The following ZMYM4 variants were observed in gnomAD, a reference collection of about 807,000 sequenced individuals.
ZMYM4 encodes the protein zinc finger MYM-type protein 4.
ZMYM4 carries 31 observed loss-of-function variants against 183.2 expected under a neutral mutation model. The ratio of observed to expected loss-of-function variants is 0.17; its 90% CI spans 0.13 to 0.23. The LOEUF (loss-of-function observed/expected upper bound fraction) is 0.23. Among genes scored for constraint, ZMYM4 ranks in the 10% least tolerant of loss-of-function variants. The pLI is 1.00. For missense variants in ZMYM4, 1,273 were observed against 1,840.3 expected, an observed-to-expected ratio of 0.69 and a Z score of 5.64; for synonymous variants, 592 against 631.2, an observed-to-expected ratio of 0.94 and a Z score of 0.93.
chr1:35,293,407 G>A (rs1290535273), intron 1 of ZMYM4, among the ~76,000 whole-genome samples: 1 of 151,764 alleles, frequency 6.6e-6, no homozygotes, highest in Admixed American at 6.6e-5. Flanking sequence ...TGTGCCTCCC[G>A]GGTTCAAGTG....
intron 2 of ZMYM4, among the ~76,000 whole-genome samples, chr1:35,327,386 G>C (rs1642551100): frequency 6.6e-6 from 1 of 152,078 alleles, no homozygotes; most frequent in African/African-American, 2.4e-5. Flanking sequence ...ATTATCAAAG[G>C]ATATTTTTGT....
intron 1 of ZMYM4, among the ~76,000 whole-genome samples, chr1:35,290,765 G>T (rs1640723209): frequency 2.6e-5 from 4 of 152,166 alleles, no homozygotes; most frequent in African/African-American, 7.2e-5. Flanking sequence ...TTGTGGTAAT[G>T]ATTGTACTGC....
At chr1:35,338,391 A>G (rs1425305037) in intron 2 of ZMYM4, among the ~76,000 whole-genome samples, 1 of 152,210 alleles carries the variant, frequency 6.6e-6, no homozygotes, top group Non-Finnish European at 1.5e-5. Context: ...CCAAGCGTGG[A>G]TAGAAAATGC....
At chr1:35,332,373 T>C (rs1038680349) in intron 2 of ZMYM4, among the ~76,000 whole-genome samples, 5 of 151,736 alleles carry the variant, frequency 3.3e-5, no homozygotes, top group Non-Finnish European at 2.9e-5. Flanking sequence ...ATTCAATGGC[T>C]CCGGTGTTCA....
chr1:35,308,788 G>C (rs112325999), intron 1 of ZMYM4, among the ~76,000 whole-genome samples: 6 of 152,214 alleles, frequency 3.9e-5, no homozygotes, highest in East Asian at 3.9e-4. Flanking sequence ...TTGAACGTGG[G>C]GGGTGGAGGT....
chr1:35,339,768 T>A (rs938723102), intron 2 of ZMYM4, among the ~76,000 whole-genome samples: 2 of 152,184 alleles, frequency 1.3e-5, no homozygotes, highest in Admixed American at 1.3e-4. Context: ...CCTACACTAA[T>A]TTTTTATATG....
chr1:35,279,119 TA>T (rs1640018722), intron 1 of ZMYM4, among the ~76,000 whole-genome samples: 1 of 152,182 alleles, frequency 6.6e-6, no homozygotes, highest in Non-Finnish European at 1.5e-5. Flanking sequence ...GTTTCTCCCC[TA>T]CCCCCAACCC....
At chr1:35,385,673 T>C (rs950831678) in intron 10 of ZMYM4, 81 bp downstream of exon 10, 1 of 1,462,422 alleles carries the variant, frequency 6.8e-7, no homozygotes. Flanking sequence ...TTTTTTTTGG[T>C]TGATTTTTAA....
At position 35,389,174 on chromosome 1, in the gene ZMYM4, T is replaced by C; in HGVS notation, c.2436+92T>C. ...TGTCACATAAAGGACAATTTAATTA[T>C]TTAAAACTTTTAAGTATTAAATGTT... On this transcript the variant is annotated intron_variant, in intron 14 of 29. Coordinates refer to ENST00000314607, the MANE Select transcript of ZMYM4 (RefSeq NM_005095.3). The surrounding 1 kb of genome is among the most constrained non-coding windows in gnomAD (Gnocchi z 4.0). 7.8e-7 allele frequency: 1 copy of C among 1,286,396 alleles called. No individual in the cohort carries two copies. Among genetic ancestry groups the C allele is most frequent in the South Asian group, 1.6e-5 (1 of 64,350 alleles). The allele number at this position is 1,286,396 out of a possible 1,614,324, so 79.7% of individuals were successfully genotyped here. A position where few individuals can be genotyped will look rare whatever the true frequency, so the allele number is the denominator to read the frequency against.
intron 9 of ZMYM4, among the ~76,000 whole-genome samples, chr1:35,383,480 A>G (rs192068835): frequency 2.1e-4 from 32 of 152,162 alleles, no homozygotes; most frequent in Non-Finnish European, 3.1e-4. Context: ...GCGTGTTTCA[A>G]TTTATTTCCT....
chr1:35,303,473 T>C (rs1641384789), intron 1 of ZMYM4, among the ~76,000 whole-genome samples: 1 of 152,128 alleles, frequency 6.6e-6, no homozygotes. Flanking sequence ...TGGCACAATA[T>C]CGGCTCACTG....
chr1:35,332,730 C>T (rs189300825), intron 2 of ZMYM4, among the ~76,000 whole-genome samples: 47 of 152,190 alleles, frequency 3.1e-4, no homozygotes, highest in Non-Finnish European at 6.2e-4. Context: ...AGGCTCTCAT[C>T]CTGTCACCCA....
At chr1:35,405,308 T>A in intron 24 of ZMYM4, 65 bp from the exon 25 acceptor site, 2 of 1,579,180 alleles carry the variant, frequency 1.3e-6, no homozygotes, top group South Asian at 2.4e-5. Flanking sequence ...GGTTTGGGCT[T>A]TACTTAATTT....
intron 23 of ZMYM4, chr1:35,399,945 A>T (rs1464161846): frequency 6.0e-6 from 1 of 166,990 alleles, no homozygotes; most frequent in Non-Finnish European, 1.3e-5. Flanking sequence ...GATCGAGACC[A>T]TCCTGGCTAA....
At chr1:35,282,386 A>G (rs1043754563) in intron 1 of ZMYM4, among the ~76,000 whole-genome samples, 3 of 152,202 alleles carry the variant, frequency 2.0e-5, no homozygotes, top group Non-Finnish European at 2.9e-5. Context: ...CACCAGTGCC[A>G]TGCTTTTGGA....
At chr1:35,290,691 A>C (rs1282725776) in intron 1 of ZMYM4, among the ~76,000 whole-genome samples, 1 of 151,788 alleles carries the variant, frequency 6.6e-6, no homozygotes, top group Non-Finnish European at 1.5e-5. Flanking sequence ...TGGCCTTCCA[A>C]AGTGTGTTGG....
intron 1 of ZMYM4, among the ~76,000 whole-genome samples, chr1:35,276,320 CT>C (rs1287165991): frequency 2.8e-5 from 4 of 141,216 alleles, no homozygotes; most frequent in Admixed American, 7.2e-5. Flanking sequence ...TCCTTCCTTC[CT>C]TTTTTTCCAT....
intron 1 of ZMYM4, among the ~76,000 whole-genome samples, chr1:35,321,115 G>A (rs1642263007): frequency 6.6e-6 from 1 of 152,172 alleles, no homozygotes; most frequent in East Asian, 1.9e-4. Context: ...AATGGGATAT[G>A]ACCTCATACA....
chr1:35,405,922 G>C (rs749631349), intron 25 of ZMYM4, among the ~76,000 whole-genome samples: 10 of 152,254 alleles, frequency 6.6e-5, no homozygotes, highest in South Asian at 2.1e-4. Context: ...TAAAGCAACA[G>C]TGTATAATTT....
Sources: gnomAD v4.1 joint callset for allele counts (sites outside exome capture counted in the v4.1 genomes callset) on GRCh38, gnomAD v4.1.1 for gene constraint, Gnocchi (gnomAD v3.1) non-coding constraint, MANE v1.5 for transcripts, NCBI Gene and HGNC (gene_info 2026-07-23, HGNC 2026-07-21) for gene names.